Variants in MGAM observed in about 807,000 individuals in gnomAD.
The protein encoded by MGAM is maltase-glucoamylase.
MGAM carries 253 observed loss-of-function variants against 358.8 expected under a neutral mutation model. That is an observed-to-expected ratio of 0.71 (90% CI 0.64 to 0.78). The LOEUF (loss-of-function observed/expected upper bound fraction) is 0.78. Among genes scored for constraint, MGAM ranks in the 30% least tolerant of loss-of-function variants. The pLI, the probability that MGAM is intolerant of heterozygous loss-of-function variation, is 0.00. For synonymous variants in MGAM, 1,105 were observed against 1,227.1 expected (o/e 0.90, Z 2.08); for missense variants, 3,080 against 3,432.6 (o/e 0.90, Z 2.57).
At chr7:142,003,644 G>T (rs1554451421) in intron 1 of MGAM, among the ~76,000 whole-genome samples, 1 of 151,988 alleles carries the variant, frequency 6.6e-6, no homozygotes, top group Non-Finnish European at 1.5e-5. Context: ...CCTAGGCAAA[G>T]AATTTATGAC....
intron 4 of MGAM, among the ~76,000 whole-genome samples, chr7:142,020,725 C>G (rs1286353955): frequency 6.6e-6 from 1 of 151,580 alleles, no homozygotes; most frequent in South Asian, 2.1e-4. Flanking sequence ...TACAAAGTAG[C>G]TGGGATTACA....
chr7:142,048,898 T>C (rs10248818), intron 22 of MGAM, among the ~76,000 whole-genome samples: 10,569 of 152,210 alleles, frequency 0.069, 1,215 homozygotes, highest in African/African-American at 0.24. Flanking sequence ...CATAGTATAA[T>C]GATTACCACA....
chr7:142,002,974 T>TTGCAA (rs1368531646), intron 1 of MGAM, among the ~76,000 whole-genome samples: 1 of 109,116 alleles, frequency 9.2e-6, no homozygotes. Flanking sequence ...TCAATCCCAT[T>TTGCAA]TACAATAAAA....
chr7:142,029,737 T>A (rs1472867744), intron 10 of MGAM, among the ~76,000 whole-genome samples: 1 of 152,174 alleles, frequency 6.6e-6, no homozygotes, highest in Non-Finnish European at 1.5e-5. Context: ...TTGGATACTA[T>A]TGGGAGTGAA....
chr7:141,989,550 T>C (rs937073503), intron 2 of MGAM, among the ~76,000 whole-genome samples: 1 of 146,902 alleles, frequency 6.8e-6, no homozygotes, highest in Admixed American at 7.0e-5. Context: ...TGTTCTTCTT[T>C]CTTTTTTTTT....
In MGAM at chr7:142,071,627, A is replaced by G. The variant is rs72503035; in HGVS notation, c.5186+509A>G. Reference sequence around the variant, plus strand: ...GTAAACCAGGTCAGTTGATGCCTCTATCTGCCTTGGCCACACTGCTCACCC... The same window carrying G: ...GTAAACCAGGTCAGTTGATGCCTCTGTCTGCCTTGGCCACACTGCTCACCC... On this transcript the variant is annotated intron_variant, in intron 44 of 70. Transcript: ENST00000475668. Among the ~76,000 whole-genome samples, 73 of 146,256 alleles carry G rather than the reference A, an allele frequency of 5.0e-4. 7 individuals carry two copies. The East Asian group carries it at 0.014, about 27-fold the overall frequency.
intron 5 of MGAM, 103 bp from the exon 6 acceptor site, chr7:142,021,483 G>A: frequency 1.8e-6 from 2 of 1,142,004 alleles, no homozygotes; most frequent in East Asian, 2.6e-5. Context: ...TAAGATATGA[G>A]GTCAGTTTGA....
At chr7:142,051,767 T>C (rs1810971651) in intron 24 of MGAM, among the ~76,000 whole-genome samples, 1 of 152,130 alleles carries the variant, frequency 6.6e-6, no homozygotes, top group Non-Finnish European at 1.5e-5. Flanking sequence ...ACATATTTCA[T>C]ATAACCCATA....
At chr7:142,088,996 G>GTATATATC (rs771119657) in intron 57 of MGAM, among the ~76,000 whole-genome samples, 1 of 117,970 alleles carries the variant, frequency 8.5e-6, no homozygotes, top group African/African-American at 2.9e-5. Context: ...ATGTATGTAT[G>GTATATATC]TATCTATCTA....
At chr7:142,090,749 G>T (rs1815306241) in intron 57 of MGAM, among the ~76,000 whole-genome samples, 1 of 146,122 alleles carries the variant, frequency 6.8e-6, no homozygotes, top group African/African-American at 2.4e-5. Context: ...CATAAAGGAG[G>T]CTATTTACTG....
Position 142,008,623 on chromosome 7 carries a change from G to T in MGAM, c.245G>T (p.Gly82Val). ...TTGPPDPGTT[G>V]TTPVSAECPV... Reference sequence around the variant, plus strand: ...GGTCCCCCAGATCCTGGAACAACTGGTACCACTCCTGTTTCTGCTGAATGT... The same window carrying T: ...GGTCCCCCAGATCCTGGAACAACTGTTACCACTCCTGTTTCTGCTGAATGT... Residue 82 changes from glycine (G) to valine (V), a missense_variant, in exon 3 of 71, where the codon GGT (glycine) becomes GTT (valine). Coordinates refer to ENST00000475668, the MANE Select transcript of MGAM (RefSeq NM_001365693.1). The T allele has an allele frequency of 1.2e-6, 2 of 1,613,504 alleles. No homozygotes were observed. Among genetic ancestry groups the T allele is most frequent in the Non-Finnish European group, 1.7e-6 (2 of 1,179,668 alleles).
chr7:142,059,942 T>G lies in MGAM; in HGVS notation c.4035T>G (p.Asn1345Lys). 1 of 1,608,060 alleles carries G rather than the reference T, an allele frequency of 6.2e-7. No individual in the cohort carries two copies. The highest frequency in any genetic ancestry group is 2.2e-5 in the East Asian group (1 of 44,734). The change falls in exon 33 of 71, where the codon AAT becomes AAG. Residue 1345 changes from asparagine (N) to lysine (K), a missense_variant. By Grantham distance (94) the Asn-to-Lys change is moderately conservative. This residue lies in a region of MGAM where 1,816 missense variants were observed against 1,840.5 expected (regional missense o/e 0.99). Coordinates refer to ENST00000475668, the MANE Select transcript of MGAM (RefSeq NM_001365693.1). ...VEDDVFIKYP[N>K]DGDIVWGKVW... ...ATGACGTCTTCATCAAATACCCAAATGATGGAGACATTGTCTGGGGAAAGG... is the reference window on the plus strand; with the variant it reads ...ATGACGTCTTCATCAAATACCCAAAGGATGGAGACATTGTCTGGGGAAAGG...
rs1815007958 is a variant in MGAM, at chr7:142,088,698, C to CTAT, written c.6810+1981_6810+1982insTAT. 2.9e-5 allele frequency among the ~76,000 whole-genome samples: 4 copies of CTAT among 138,882 alleles called. 1 individual carries two copies. The highest frequency in any genetic ancestry group is 6.9e-3 in the Middle Eastern group (2 of 288). The allele number at this position is 138,882 out of a possible 152,430, so 91.1% of individuals were successfully genotyped here. ...TCTATCTATCTATCTATCTATCTAT[C>CTAT]CATCCAGCCACCCTATTCATTTATG... is the stretch of plus-strand genomic sequence containing the variant. On this transcript the variant is annotated intron_variant, in intron 57 of 70. Coordinates refer to ENST00000475668, the MANE Select transcript of MGAM (RefSeq NM_001365693.1).
rs1808229227 is a variant in MGAM at position 142,038,620 on chromosome 7, G to A, written c.2316+5G>A. The stretch of plus-strand genomic sequence containing the variant: ...ATCACTCCAGTTCTGGATGAAGTAA[G>A]TGTTCCCACAGAGATACACTAGAGA... On this transcript the variant is annotated splice_donor_5th_base_variant and intron_variant, in intron 19 of 70. Coordinates refer to ENST00000475668, the MANE Select transcript of MGAM (RefSeq NM_001365693.1). 6.2e-7 allele frequency: 1 copy of A among 1,601,860 alleles called. No homozygotes were observed.
intron 69 of MGAM, 70 bp from the exon 70 acceptor site, chr7:142,103,199 C>T: frequency 7.8e-7 from 1 of 1,286,306 alleles, no homozygotes; most frequent in South Asian, 1.5e-5. Flanking sequence ...TACATTTGTG[C>T]CTAAAAAGAG....
rs758160331 is a variant in MGAM, at chr7:142,096,429, C to G, written c.7692+14C>G. 10 of 1,613,508 alleles carry G rather than the reference C, an allele frequency of 6.2e-6. No individual in the cohort carries two copies. The Admixed American group carries it at 8.3e-5, about 13-fold the overall frequency. On this transcript the variant is annotated intron_variant, in intron 65 of 70. Transcript: ENST00000475668. ...GTCCTGGAGCGTGTGAGTATGGAGG[C>G]CTCCGATGAGGGGAGGATCCCAGCT...
chr7:142,004,480 A>T (rs923889230), intron 1 of MGAM: 6 of 152,056 alleles, frequency 3.9e-5, no homozygotes, highest in Admixed American at 1.3e-4. Context: ...TATACACGAG[A>T]GATAAACAGT....
intron 35 of MGAM, 103 bp from the exon 36 acceptor site, chr7:142,063,396 G>A: frequency 1.5e-6 from 2 of 1,375,098 alleles, no homozygotes; most frequent in Non-Finnish European, 2.0e-6. Flanking sequence ...CATCTACAGA[G>A]ATTACTGGAT....
intron 3 of MGAM, among the ~76,000 whole-genome samples, chr7:142,010,618 A>C (rs1011009322): frequency 1.9e-4 from 29 of 152,002 alleles, no homozygotes; most frequent in African/African-American, 7.0e-4. Flanking sequence ...TCTGAATTCC[A>C]TTTCTCCTAT....
Sources: gnomAD v4.1 joint callset for allele counts (sites outside exome capture counted in the v4.1 genomes callset) on GRCh38, gnomAD v4.1.1 for gene constraint, gnomAD v4.1.1 regional missense constraint, MANE v1.5 for transcripts, NCBI Gene and HGNC (gene_info 2026-07-23, HGNC 2026-07-21) for gene names.